Variants in PLGRKT observed in about 807,000 individuals in gnomAD.
The protein encoded by PLGRKT is plasminogen receptor with a C-terminal lysine.
A neutral mutation model predicts 18.5 loss-of-function variants in PLGRKT; 22 were observed. The ratio of observed to expected loss-of-function variants is 1.19; its 90% confidence interval spans 0.85 to 1.70. The LOEUF (loss-of-function observed/expected upper bound fraction) is 1.70. Among genes scored for constraint, PLGRKT ranks in the 40% most tolerant of loss-of-function variants. The pLI is 0.00. For synonymous variants in PLGRKT, 72 were observed against 52.8 expected (o/e 1.36, Z -1.58); for missense variants, 235 against 174.4 (o/e 1.35, Z -1.96).
At chr9:5,373,457 G>C (rs1418084043) in intron 3 of PLGRKT, among the ~76,000 whole-genome samples, 4 of 152,178 alleles carry the variant, frequency 2.6e-5, no homozygotes, top group African/African-American at 9.7e-5. Context: ...TGTGGGTCTG[G>C]GGCTCTGAAC....
intron 3 of PLGRKT, among the ~76,000 whole-genome samples, chr9:5,416,633 G>C (rs1289790139): frequency 6.6e-6 from 1 of 151,902 alleles, no homozygotes; most frequent in Non-Finnish European, 1.5e-5. Flanking sequence ...TAAAATTATA[G>C]CTTGAAGGAG....
chr9:5,380,197 T>C (rs1817712605), intron 3 of PLGRKT, among the ~76,000 whole-genome samples: 1 of 151,902 alleles, frequency 6.6e-6, no homozygotes, highest in Non-Finnish European at 1.5e-5. Context: ...ACCCCGTCTC[T>C]ACTAAAAATA....
chr9:5,375,867 T>C (rs986057854), intron 3 of PLGRKT, among the ~76,000 whole-genome samples: 2 of 152,158 alleles, frequency 1.3e-5, no homozygotes, highest in African/African-American at 4.8e-5. Flanking sequence ...CCAAAAGCAA[T>C]GAAAGCAGGG....
At chr9:5,395,732 G>C (rs1490575981) in intron 3 of PLGRKT, among the ~76,000 whole-genome samples, 1 of 151,450 alleles carries the variant, frequency 6.6e-6, no homozygotes, top group Non-Finnish European at 1.5e-5. Context: ...TAGGCAAAAA[G>C]AACCAAACCA....
chr9:5,362,483 T>C (rs1427919669), intron 3 of PLGRKT, among the ~76,000 whole-genome samples: 1 of 152,214 alleles, frequency 6.6e-6, no homozygotes, highest in Non-Finnish European at 1.5e-5. Flanking sequence ...AGAAGGAAAC[T>C]GAATTTCTAA....
rs1817308084 is a variant in PLGRKT, at chr9:5,363,268, T to A, written c.82-1380A>T. Among the ~76,000 whole-genome samples the A allele has an allele frequency of 2.0e-5, 3 of 151,834 alleles. No homozygotes were observed. The South Asian group carries it at 6.2e-4, about 32-fold the overall frequency. On this transcript the variant is annotated intron_variant, in intron 3 of 5. Transcript: ENST00000223864. ...CAACCTGGACAGCGCCACATGATGT[T>A]CCCTAAGGGCATGTGGCCATGTTCC...
intron 3 of PLGRKT, among the ~76,000 whole-genome samples, chr9:5,381,635 A>G (rs1817748310): frequency 6.6e-6 from 1 of 152,214 alleles, no homozygotes; most frequent in Non-Finnish European, 1.5e-5. Context: ...TCACACGGCT[A>G]TAAATAACTA....
chr9:5,368,369 G>A (rs1319566762), intron 3 of PLGRKT, among the ~76,000 whole-genome samples: 1 of 152,096 alleles, frequency 6.6e-6, no homozygotes. Flanking sequence ...AAGAAAACGT[G>A]GTACATATAC....
At chr9:5,369,726 G>T (rs1045154154) in intron 3 of PLGRKT, among the ~76,000 whole-genome samples, 7 of 152,236 alleles carry the variant, frequency 4.6e-5, no homozygotes, top group African/African-American at 1.4e-4. Flanking sequence ...AGAAAATGTG[G>T]CACATATACA....
chr9:5,418,750 G>C lies in PLGRKT; in HGVS notation c.81+13147C>G. 1 of 697,424 alleles carries C rather than the reference G, an allele frequency of 1.4e-6. No individual in the cohort carries two copies. Among genetic ancestry groups the C allele is most frequent in the Non-Finnish European group, 2.6e-6 (1 of 385,948 alleles). The allele number at this position is 697,424 out of a possible 1,614,324, so 43.2% of individuals were successfully genotyped here. A position where few individuals can be genotyped will look rare whatever the true frequency, so the allele number is the denominator to read the frequency against. ...CGAAGCGTGTGGAATGGTGATGACA[G>C]CCAGGACCTCGGGGTCGTCGAGGAG... On this transcript the variant is annotated intron_variant, in intron 3 of 5. Transcript: ENST00000223864. The surrounding 1 kb of genome is among the most constrained non-coding windows in gnomAD (Gnocchi z 4.2).
chr9:5,427,181 T>A (rs1586745200), intron 3 of PLGRKT, among the ~76,000 whole-genome samples: 1 of 152,220 alleles, frequency 6.6e-6, no homozygotes, highest in Non-Finnish European at 1.5e-5. Context: ...GGGACATGAA[T>A]CATCCCCTTG....
At chr9:5,397,328 A>C (rs1214653753) in intron 3 of PLGRKT, among the ~76,000 whole-genome samples, 6 of 151,902 alleles carry the variant, frequency 3.9e-5, no homozygotes, top group Non-Finnish European at 7.3e-5. Flanking sequence ...TTCTTTCCAA[A>C]GGCAGCTCTT....
intron 3 of PLGRKT, among the ~76,000 whole-genome samples, chr9:5,368,283 T>C (rs778274059): frequency 1.4e-4 from 22 of 152,216 alleles, no homozygotes; most frequent in Non-Finnish European, 2.5e-4. Context: ...TATCTACTCA[T>C]ATTTTCATCG....
At chr9:5,407,778 C>A (rs556237003) in intron 3 of PLGRKT, among the ~76,000 whole-genome samples, 2 of 152,172 alleles carry the variant, frequency 1.3e-5, no homozygotes, top group Non-Finnish European at 2.9e-5. Context: ...TAGATAGGAT[C>A]TTGAAATAAT....
intron 3 of PLGRKT, among the ~76,000 whole-genome samples, chr9:5,400,025 G>A (rs565412345): frequency 1.8e-4 from 28 of 151,568 alleles, no homozygotes; most frequent in African/African-American, 5.8e-4. Context: ...TAAATAAAGT[G>A]TTATTCTAAT....
At chr9:5,398,878 C>T (rs980430755) in intron 3 of PLGRKT, among the ~76,000 whole-genome samples, 6 of 151,716 alleles carry the variant, frequency 4.0e-5, no homozygotes, top group Non-Finnish European at 8.8e-5. Flanking sequence ...AACTGAGAAC[C>T]AGTCAATGCA....
At chr9:5,411,484 G>A (rs1397165786) in intron 3 of PLGRKT, among the ~76,000 whole-genome samples, 1 of 151,998 alleles carries the variant, frequency 6.6e-6, no homozygotes, top group Non-Finnish European at 1.5e-5. Flanking sequence ...CCCCATCTTA[G>A]AGATGAAGAA....
intron 3 of PLGRKT, among the ~76,000 whole-genome samples, chr9:5,421,228 G>A (rs929046965): frequency 6.6e-6 from 1 of 152,156 alleles, no homozygotes; most frequent in Non-Finnish European, 1.5e-5. Flanking sequence ...CCAGCTCAGT[G>A]TCTCTGCATT....
chr9:5,411,096 G>T (rs1818353790), intron 3 of PLGRKT, among the ~76,000 whole-genome samples: 1 of 151,970 alleles, frequency 6.6e-6, no homozygotes, highest in Non-Finnish European at 1.5e-5. Context: ...AGAAAAGATG[G>T]AAACAGGCCA....
Sources: gnomAD v4.1 joint callset for allele counts (sites outside exome capture counted in the v4.1 genomes callset) on GRCh38, gnomAD v4.1.1 for gene constraint, Gnocchi (gnomAD v3.1) non-coding constraint, MANE v1.5 for transcripts, NCBI Gene and HGNC (gene_info 2026-07-23, HGNC 2026-07-21) for gene names.